MKX: variants seen among roughly 807,000 people sequenced by gnomAD.
The protein encoded by MKX is homeobox protein Mohawk.
A neutral mutation model predicts 36.0 loss-of-function variants in MKX; 13 were observed. The observed-to-expected ratio is 0.36, with a 90% CI of 0.24 to 0.57. The LOEUF is 0.57. Ranked by LOEUF, MKX falls within the 20% of genes least tolerant of loss-of-function variation. The pLI is 0.79. For missense variants in MKX, 458 were observed against 456.4 expected, an observed-to-expected ratio of 1.00 and a Z score of -0.03; for synonymous variants, 176 against 178.3, an observed-to-expected ratio of 0.99 and a Z score of 0.10.
At chr10:27,693,889 G>C (rs984431652) in intron 5 of MKX, among the ~76,000 whole-genome samples, 2 of 152,152 alleles carry the variant, frequency 1.3e-5, no homozygotes, top group Non-Finnish European at 2.9e-5. Flanking sequence ...TGTGCAGTGA[G>C]AGGGACCTGG....
intron 5 of MKX, among the ~76,000 whole-genome samples, chr10:27,677,604 A>G (rs946750228): frequency 7.9e-5 from 12 of 152,240 alleles, no homozygotes; most frequent in Admixed American, 2.0e-4. Flanking sequence ...TTAAGCCTTA[A>G]GGTGTAGACC....
chr10:27,714,322 C>A (rs1187486973), intron 5 of MKX, among the ~76,000 whole-genome samples: 2 of 152,052 alleles, frequency 1.3e-5, no homozygotes, highest in African/African-American at 4.8e-5. Context: ...CAAGGACAAG[C>A]TTTTAAAATT....
intron 5 of MKX, among the ~76,000 whole-genome samples, chr10:27,703,038 A>C (rs1464520031): frequency 6.6e-6 from 1 of 152,202 alleles, no homozygotes; most frequent in East Asian, 1.9e-4. Context: ...ATGTCAGCAA[A>C]GGAATTTGCT....
chr10:27,733,568 A>T (rs1834681069), intron 5 of MKX, among the ~76,000 whole-genome samples: 1 of 152,146 alleles, frequency 6.6e-6, no homozygotes, highest in African/African-American at 2.4e-5. Context: ...GGGTTTTCTT[A>T]TCTGTGATGT....
At chr10:27,739,640 G>T (rs1834851762) in intron 3 of MKX, among the ~76,000 whole-genome samples, 1 of 152,080 alleles carries the variant, frequency 6.6e-6, no homozygotes, top group Admixed American at 6.5e-5. Context: ...ACATAAGAAA[G>T]TTTAAATGGC....
At chr10:27,739,200 T>C (rs1834841059) in intron 3 of MKX, among the ~76,000 whole-genome samples, 1 of 152,070 alleles carries the variant, frequency 6.6e-6, no homozygotes, top group South Asian at 2.1e-4. Context: ...ACAATAAAGC[T>C]GTTTATATTT....
intron 5 of MKX, among the ~76,000 whole-genome samples, chr10:27,734,097 C>A (rs1010051337): frequency 1.3e-5 from 2 of 151,870 alleles, no homozygotes; most frequent in African/African-American, 2.4e-5. Context: ...TATACACCCC[C>A]CTAAACATTG....
chr10:27,689,099 T>C (rs1836407782), intron 5 of MKX, among the ~76,000 whole-genome samples: 2 of 152,332 alleles, frequency 1.3e-5, no homozygotes, highest in South Asian at 2.1e-4. Context: ...GCTCACATTA[T>C]TGCCATGCTT....
chr10:27,722,282 T>C (rs1034113066), intron 5 of MKX, among the ~76,000 whole-genome samples: 5 of 152,158 alleles, frequency 3.3e-5, no homozygotes, highest in African/African-American at 4.8e-5. Context: ...GGTTTACTGG[T>C]GCCATGCTCC....
rs1462597661 is a variant in MKX, at chr10:27,674,910, T to C, written c.*319A>G. 1 of 228,972 alleles carries C rather than the reference T, an allele frequency of 4.4e-6. No individual in the cohort carries two copies. The highest frequency in any genetic ancestry group is 8.6e-6 in the Non-Finnish European group (1 of 116,072). 14.2% of individuals were successfully genotyped at this position (228,972 alleles called of 1,614,324 possible). ...CACACAGGCTAATAAGCATATGGCG[T>C]TGGCATTTTGAGGCATAGCTTGTTC... On this transcript the variant is annotated 3_prime_UTR_variant, in exon 7 of 7. Transcript: ENST00000419761.
intron 5 of MKX, among the ~76,000 whole-genome samples, chr10:27,676,363 T>C (rs2132483236): frequency 6.6e-6 from 1 of 150,908 alleles, no homozygotes; most frequent in East Asian, 1.9e-4. Flanking sequence ...GGTTATCAAA[T>C]TTTCTTTTTT....
intron 5 of MKX, among the ~76,000 whole-genome samples, chr10:27,715,492 AT>A (rs1326408960): frequency 6.6e-6 from 1 of 152,194 alleles, no homozygotes; most frequent in Admixed American, 6.5e-5. Flanking sequence ...TGAGGAAAGG[AT>A]TAGGATGGCC....
At chr10:27,743,876 C>G (rs950420166) in intron 1 of MKX, among the ~76,000 whole-genome samples, 1 of 152,174 alleles carries the variant, frequency 6.6e-6, no homozygotes, top group African/African-American at 2.4e-5. Context: ...TGAGGCCGCG[C>G]GTGGTTCTTC....
intron 3 of MKX, among the ~76,000 whole-genome samples, chr10:27,738,999 A>T (rs577660749): frequency 4.6e-5 from 7 of 152,254 alleles, no homozygotes; most frequent in Admixed American, 6.5e-5. Flanking sequence ...AAGCAAAAAC[A>T]GAGTTATGTC....
rs750078803 is a variant in MKX at position 27,741,370 on chromosome 10, AG to A, written c.322del (p.Leu108SerfsTer5). On this transcript the variant is annotated frameshift_variant, in exon 3 of 7. Coordinates refer to ENST00000419761, the MANE Select transcript of MKX (RefSeq NM_173576.3). LOFTEE classifies it high-confidence loss of function. This position sits in a 1 kb window ranked among gnomAD's most constrained non-coding sequence, Gnocchi z 5.1. ...PTKTEKILLA[L>X]GSQMTLVQVS... Reference sequence around the variant, plus strand: ...CTGCACTAGCGTCATCTGCGAGCCGAGGGCCAAGAGTATCTTCTCGGTCTTG... The same window carrying A: ...CTGCACTAGCGTCATCTGCGAGCCGAGGCCAAGAGTATCTTCTCGGTCTTG... The A allele has an allele frequency of 5.6e-6, 9 of 1,612,474 alleles. No individual in the cohort carries two copies. The highest frequency in any genetic ancestry group is 7.6e-6 in the Non-Finnish European group (9 of 1,179,468).
intron 5 of MKX, among the ~76,000 whole-genome samples, chr10:27,732,927 T>A (rs570178233): frequency 1.2e-4 from 19 of 152,048 alleles, no homozygotes; most frequent in African/African-American, 4.1e-4. Flanking sequence ...AAAAAAAAAA[T>A]TTGTAGCAAT....
intron 5 of MKX, among the ~76,000 whole-genome samples, chr10:27,716,476 G>A (rs913532981): frequency 1.3e-5 from 2 of 149,648 alleles, no homozygotes; most frequent in Admixed American, 6.7e-5. Context: ...CCTGATGCTG[G>A]CCTGCATGTG....
chr10:27,730,678 G>A (rs895992700), intron 5 of MKX, among the ~76,000 whole-genome samples: 5 of 151,644 alleles, frequency 3.3e-5, no homozygotes, highest in East Asian at 2.0e-4. Context: ...GGCTGGTCTC[G>A]AACTCCTAAT....
intron 5 of MKX, among the ~76,000 whole-genome samples, chr10:27,729,832 G>T (rs1287260548): frequency 1.3e-5 from 2 of 152,058 alleles, no homozygotes; most frequent in Non-Finnish European, 2.9e-5. Context: ...AGTTAGAAAA[G>T]GTTCCAGTGA....
Sources: gnomAD v4.1 joint callset for allele counts (sites outside exome capture counted in the v4.1 genomes callset) on GRCh38, gnomAD v4.1.1 for gene constraint, Gnocchi (gnomAD v3.1) non-coding constraint, MANE v1.5 for transcripts, NCBI Gene and HGNC (gene_info 2026-07-23, HGNC 2026-07-21) for gene names.